Variants in PTPRE observed in about 807,000 individuals in gnomAD.
PTPRE encodes protein tyrosine phosphatase receptor type E.
Under a neutral mutation model 102.0 loss-of-function variants are expected in PTPRE, and 51 were observed. The ratio of observed to expected loss-of-function variants is 0.50; its 90% CI spans 0.40 to 0.63. The LOEUF is 0.63. PTPRE is among the 30% of genes least tolerant of loss of function. The pLI is 0.00. For synonymous variants in PTPRE, 345 were observed against 348.2 expected (o/e 0.99, Z 0.10); for missense variants, 752 against 915.1 (o/e 0.82, Z 2.30).
At chr10:127,970,591 G>A (rs544163398) in intron 1 of PTPRE, among the ~76,000 whole-genome samples, 5 of 151,942 alleles carry the variant, frequency 3.3e-5, no homozygotes, top group South Asian at 2.1e-4. Flanking sequence ...CTGCTGAGCC[G>A]TGGATTACAC....
chr10:128,055,112 C>A (rs575799593), intron 6 of PTPRE, among the ~76,000 whole-genome samples: 30 of 152,276 alleles, frequency 2.0e-4, no homozygotes, highest in Non-Finnish European at 3.1e-4. Context: ...CCGTACCTGG[C>A]GCACTGAGAC....
At chr10:128,077,171 C>A (rs1851275417) in intron 18 of PTPRE, among the ~76,000 whole-genome samples, 1 of 152,176 alleles carries the variant, frequency 6.6e-6, no homozygotes, top group Admixed American at 6.5e-5. Flanking sequence ...TGATGCTGAG[C>A]TCCAAACAGT....
intron 1 of PTPRE, among the ~76,000 whole-genome samples, chr10:127,956,217 A>G (rs531795578): frequency 6.6e-6 from 1 of 152,310 alleles, no homozygotes; most frequent in African/African-American, 2.4e-5. Context: ...AGTCGACTAT[A>G]TTAAAGAATA....
intron 1 of PTPRE, among the ~76,000 whole-genome samples, chr10:127,963,934 A>G (rs924458394): frequency 1.3e-5 from 2 of 152,156 alleles, no homozygotes; most frequent in Non-Finnish European, 2.9e-5. Flanking sequence ...GATAAAAAAG[A>G]TGGTTTCTCC....
intron 1 of PTPRE, among the ~76,000 whole-genome samples, chr10:127,932,612 C>T (rs181408478): frequency 1.1e-3 from 169 of 152,306 alleles, no homozygotes; most frequent in Non-Finnish European, 9.3e-4. Context: ...TGGAGAAGGG[C>T]GCCTGTGCTC....
chr10:127,935,237 C>T (rs1033665255), intron 1 of PTPRE, among the ~76,000 whole-genome samples: 1 of 152,132 alleles, frequency 6.6e-6, no homozygotes, highest in Admixed American at 6.5e-5. Context: ...GCCGGGGCTT[C>T]CAGCTCCCGT....
chr10:128,003,222 T>C (rs1854152394), intron 2 of PTPRE, among the ~76,000 whole-genome samples: 1 of 152,172 alleles, frequency 6.6e-6, no homozygotes, highest in African/African-American at 2.4e-5. Context: ...TATAAACCAC[T>C]CAGCACACGC....
At chr10:127,978,555 A>G (rs1447752844) in intron 1 of PTPRE, among the ~76,000 whole-genome samples, 2 of 152,076 alleles carry the variant, frequency 1.3e-5, no homozygotes, top group African/African-American at 4.8e-5. Flanking sequence ...TAAGAAAAAA[A>G]ATAAAATAAA....
chr10:128,051,692 C>T (rs1023979295), intron 6 of PTPRE, among the ~76,000 whole-genome samples: 5 of 152,246 alleles, frequency 3.3e-5, no homozygotes, highest in Non-Finnish European at 5.9e-5. Flanking sequence ...GGAAGTTCCT[C>T]ATTCTCTTCT....
chr10:128,054,852 C>T (rs751674700), intron 6 of PTPRE, among the ~76,000 whole-genome samples: 1 of 152,130 alleles, frequency 6.6e-6, no homozygotes, highest in Non-Finnish European at 1.5e-5. Flanking sequence ...CGCAGTGAGG[C>T]CTGCTCTGCT....
intron 1 of PTPRE, among the ~76,000 whole-genome samples, chr10:127,951,653 T>C (rs1849033585): frequency 6.6e-6 from 1 of 152,210 alleles, no homozygotes; most frequent in Middle Eastern, 3.2e-3. Context: ...AATCCTCACA[T>C]TGGCTCCCTG....
chr10:127,965,399 A>G (rs1238980633), intron 1 of PTPRE, among the ~76,000 whole-genome samples: 1 of 151,936 alleles, frequency 6.6e-6, no homozygotes, highest in African/African-American at 2.4e-5. Context: ...CCTGGATCCC[A>G]TATACATCCA....
chr10:128,061,778 C>G, intron 9 of PTPRE, 63 bp downstream of exon 9: 1 of 1,537,920 alleles, frequency 6.5e-7, no homozygotes. Flanking sequence ...ATTTCCTTCT[C>G]TGTATGCCAA....
chr10:127,964,528 G>A (rs1243078880), intron 1 of PTPRE, among the ~76,000 whole-genome samples: 3 of 151,582 alleles, frequency 2.0e-5, no homozygotes, highest in African/African-American at 7.3e-5. Context: ...TGTGTTTCTA[G>A]CCGTCCTTAA....
intron 2 of PTPRE, among the ~76,000 whole-genome samples, chr10:127,991,665 A>G (rs1018699334): frequency 2.0e-5 from 3 of 152,336 alleles, no homozygotes; most frequent in Non-Finnish European, 4.4e-5. Flanking sequence ...CCATTTGGGA[A>G]GTCGCGTGGG....
intron 1 of PTPRE, among the ~76,000 whole-genome samples, chr10:127,955,303 T>C (rs553832975): frequency 1.2e-4 from 18 of 152,104 alleles, no homozygotes; most frequent in South Asian, 2.1e-4. Context: ...CATACATACA[T>C]ACATACATAC....
chr10:128,082,204 T>C lies in PTPRE; in HGVS notation c.2029-628T>C, dbSNP rs1437455215. On this transcript the variant is annotated intron_variant, in intron 20 of 20. Coordinates refer to ENST00000254667, the MANE Select transcript of PTPRE (RefSeq NM_006504.6). ...TGATTTTTTTCTCTTTCTTTTTTTT[T>C]TTTTTTTTTTTTTTTTTTTGAGACA... 2.2e-3 allele frequency among the ~76,000 whole-genome samples: 282 copies of C among 126,694 alleles called. 14 individuals are homozygous for C. Among genetic ancestry groups the C allele is most frequent in the South Asian group, 0.011 (43 of 3,774 alleles). The allele number at this position is 126,694 out of a possible 152,430, so 83.1% of individuals were successfully genotyped here.
At chr10:128,082,690 C>G (rs770493462) in intron 20 of PTPRE, 142 bp from the exon 21 acceptor site, 1 of 962,318 alleles carries the variant, frequency 1.0e-6, no homozygotes, top group Non-Finnish European at 1.4e-6. Context: ...TGCCTAAAAA[C>G]TAAATTACGA....
At chr10:127,925,837 G>C (rs928447851) in intron 1 of PTPRE, among the ~76,000 whole-genome samples, 1 of 152,124 alleles carries the variant, frequency 6.6e-6, no homozygotes, top group Non-Finnish European at 1.5e-5. Context: ...GAGCACTTTG[G>C]AGCAGCAGCT....
Sources: gnomAD v4.1 joint callset for allele counts (sites outside exome capture counted in the v4.1 genomes callset) on GRCh38, gnomAD v4.1.1 for gene constraint, MANE v1.5 for transcripts, NCBI Gene and HGNC (gene_info 2026-07-23, HGNC 2026-07-21) for gene names.